NTM: variants seen among roughly 807,000 people sequenced by gnomAD.
NTM encodes neurotrimin.
NTM carries 13 observed loss-of-function variants against 42.1 expected under a neutral mutation model. The ratio of observed to expected loss-of-function variants is 0.31; its 90% CI spans 0.20 to 0.49. NTM has a LOEUF of 0.49. Among genes scored for constraint, NTM ranks in the 20% least tolerant of loss-of-function variants. NTM has a pLI of 0.99. For missense variants in NTM, 373 were observed against 452.8 expected (o/e 0.82, Z 1.60); for synonymous variants, 187 against 179.2 (o/e 1.04, Z -0.35).
chr11:131,457,936 C>T (rs952167369), intron 1 of NTM, among the ~76,000 whole-genome samples: 3 of 152,126 alleles, frequency 2.0e-5, no homozygotes, highest in Non-Finnish European at 4.4e-5. Context: ...GACATGCTGA[C>T]ACCATCAGCT....
At chr11:131,651,872 AT>A (rs374765713) in intron 1 of NTM, among the ~76,000 whole-genome samples, 8 of 151,290 alleles carry the variant, frequency 5.3e-5, no homozygotes, top group Admixed American at 1.3e-4. Flanking sequence ...AAAAAAAAAA[AT>A]ATCATAAAAA....
At chr11:131,616,155 G>A (rs1398096113) in intron 1 of NTM, among the ~76,000 whole-genome samples, 2 of 152,152 alleles carry the variant, frequency 1.3e-5, no homozygotes, top group Non-Finnish European at 2.9e-5. Context: ...TACAAATAAG[G>A]GTTACAGGCT....
intron 1 of NTM, among the ~76,000 whole-genome samples, chr11:131,483,237 T>C (rs1220466452): frequency 6.6e-6 from 1 of 152,200 alleles, no homozygotes; most frequent in Non-Finnish European, 1.5e-5. Context: ...AAATACATTC[T>C]GTGGTTCCAA....
intron 1 of NTM, among the ~76,000 whole-genome samples, chr11:131,752,255 AGAC>A (rs1435771914): frequency 6.6e-6 from 1 of 152,238 alleles, no homozygotes; most frequent in East Asian, 1.9e-4. Flanking sequence ...TCTCTAAAGA[AGAC>A]ATTTATGCAG....
chr11:131,787,533 G>C (rs547050723), intron 1 of NTM, among the ~76,000 whole-genome samples: 6 of 151,694 alleles, frequency 4.0e-5, no homozygotes, highest in Non-Finnish European at 8.8e-5. Context: ...CTACAGGCAC[G>C]CAGCACCATG....
intron 1 of NTM, among the ~76,000 whole-genome samples, chr11:131,595,655 TTC>T (rs1422137513): frequency 6.6e-6 from 1 of 152,222 alleles, no homozygotes; most frequent in East Asian, 1.9e-4. Context: ...GAACGGACTC[TTC>T]ACAAACCTCT....
chr11:132,044,056 GTA>G (rs2077577016), intron 2 of NTM, among the ~76,000 whole-genome samples: 1 of 141,368 alleles, frequency 7.1e-6, no homozygotes, highest in African/African-American at 2.5e-5. Context: ...GGGTATGTGT[GTA>G]TGTGTGTGTA....
At chr11:131,586,451 C>T (rs538770814) in intron 1 of NTM, among the ~76,000 whole-genome samples, 1 of 152,292 alleles carries the variant, frequency 6.6e-6, no homozygotes, top group East Asian at 1.9e-4. Flanking sequence ...CCCAGGGAGC[C>T]AGCTGCCATG....
chr11:131,926,826 C>T (rs894075760), intron 2 of NTM, among the ~76,000 whole-genome samples: 1 of 152,118 alleles, frequency 6.6e-6, no homozygotes, highest in Non-Finnish European at 1.5e-5. Context: ...CGCGAGGATC[C>T]GGGGTTTTCT....
chr11:131,689,479 A>G (rs772990821), intron 1 of NTM, among the ~76,000 whole-genome samples: 1 of 152,236 alleles, frequency 6.6e-6, no homozygotes, highest in Non-Finnish European at 1.5e-5. Flanking sequence ...GGTTTAATTC[A>G]ACACTATCTC....
intron 2 of NTM, among the ~76,000 whole-genome samples, chr11:131,942,699 A>G (rs192000895): frequency 1.6e-3 from 243 of 152,176 alleles, no homozygotes; most frequent in African/African-American, 5.6e-3. Flanking sequence ...TAATCCCAAA[A>G]TTTTGGGAGG....
At chr11:131,506,280 G>A (rs888545632) in intron 1 of NTM, among the ~76,000 whole-genome samples, 4 of 152,110 alleles carry the variant, frequency 2.6e-5, no homozygotes, top group African/African-American at 4.8e-5. Flanking sequence ...AGGACATCTG[G>A]TGCCTGAGGC....
intron 2 of NTM, among the ~76,000 whole-genome samples, chr11:132,060,460 A>T (rs1566054681): frequency 1.5e-5 from 2 of 132,606 alleles, no homozygotes; most frequent in East Asian, 4.4e-4. Context: ...ATTTAATGGA[A>T]CATAGCAGTG....
chr11:132,042,957 T>C (rs1053128003), intron 2 of NTM, among the ~76,000 whole-genome samples: 5 of 152,214 alleles, frequency 3.3e-5, no homozygotes, highest in Non-Finnish European at 7.3e-5. Context: ...TTTAGAGCCA[T>C]ATTTCATTTT....
intron 4 of NTM, among the ~76,000 whole-genome samples, chr11:132,288,623 T>C (rs541716470): frequency 1.3e-5 from 2 of 152,212 alleles, no homozygotes; most frequent in East Asian, 3.9e-4. Flanking sequence ...CTTTCTTTCT[T>C]TTTCTTTTTT....
intron 1 of NTM, among the ~76,000 whole-genome samples, chr11:131,896,670 C>T (rs900994894): frequency 1.4e-4 from 19 of 137,232 alleles, no homozygotes; most frequent in African/African-American, 4.7e-4. Context: ...AAATGGAGTA[C>T]ATTTTAGGCT....
At chr11:132,005,548 G>C (rs920719391) in intron 2 of NTM, among the ~76,000 whole-genome samples, 7 of 152,074 alleles carry the variant, frequency 4.6e-5, no homozygotes, top group South Asian at 2.1e-4. Flanking sequence ...ATATATGAAT[G>C]ATATCTCATC....
chr11:131,622,296 G>A (rs1202775424), intron 1 of NTM, among the ~76,000 whole-genome samples: 3 of 152,146 alleles, frequency 2.0e-5, no homozygotes, highest in African/African-American at 7.2e-5. Context: ...AATAAAATAG[G>A]TGAATATATG....
chr11:132,123,037 A>G (rs1335123099), intron 2 of NTM, among the ~76,000 whole-genome samples: 1 of 151,872 alleles, frequency 6.6e-6, no homozygotes, highest in Non-Finnish European at 1.5e-5. Context: ...TCCTCCTGGC[A>G]CACTTTTCCT....
Sources: gnomAD v4.1 joint callset for allele counts (sites outside exome capture counted in the v4.1 genomes callset) on GRCh38, gnomAD v4.1.1 for gene constraint, MANE v1.5 for transcripts, NCBI Gene and HGNC (gene_info 2026-07-23, HGNC 2026-07-21) for gene names.